EEF1AKMT1: variants seen among roughly 807,000 people sequenced by gnomAD.
EEF1AKMT1 encodes EEF1A lysine methyltransferase 1, also known as N-6 adenine-specific DNA methyltransferase 2 (putative).
In EEF1AKMT1, 18 loss-of-function variants were observed where a neutral mutation model predicts 21.0. That is an observed-to-expected ratio of 0.86 (90% CI 0.59 to 1.27). The LOEUF is 1.27. EEF1AKMT1 is among the 50% of genes most tolerant of loss of function. The pLI, the probability that EEF1AKMT1 is intolerant of heterozygous loss-of-function variation, is 0.00. For missense variants in EEF1AKMT1, 246 were observed against 258.6 expected (o/e 0.95, Z 0.33); for synonymous variants, 109 against 94.8 (o/e 1.15, Z -0.87).
chr13:20,748,725 GGTTT>G (rs2058924211), intron 2 of EEF1AKMT1, among the ~76,000 whole-genome samples: 165 of 68,664 alleles, frequency 2.4e-3, no homozygotes, highest in African/African-American at 8.9e-3. Context: ...GTTTTTTTTT[GGTTT>G]TTTTTTTTTT....
rs901709692 is a variant in EEF1AKMT1, at chr13:20,766,518, T to C, written c.-20+7403A>G. ...AGCTGTGACTCTGTTATTTAAGAGG[T>C]TGCTTAAGAATTATGGTACATGGCT... On this transcript the variant is annotated intron_variant, in intron 1 of 4. Coordinates refer to ENST00000382758, the MANE Select transcript of EEF1AKMT1 (RefSeq NM_001318939.2). Among the ~76,000 whole-genome samples, 4 of 152,046 alleles carry C rather than the reference T, an allele frequency of 2.6e-5. No individual in the cohort carries two copies. The South Asian group carries it at 8.3e-4, about 32-fold the overall frequency.
At chr13:20,748,722 T>TTTTTTGTTGTTGTTG (rs749328042) in intron 2 of EEF1AKMT1, among the ~76,000 whole-genome samples, 3 of 78,648 alleles carry the variant, frequency 3.8e-5, no homozygotes, top group African/African-American at 1.3e-4. Context: ...GTTGTTTTTT[T>TTTTTTGTTGTTGTTG]TTGGTTTTTT....
intron 1 of EEF1AKMT1, among the ~76,000 whole-genome samples, chr13:20,760,297 T>A (rs1177466486): frequency 2.0e-5 from 3 of 151,982 alleles, no homozygotes; most frequent in African/African-American, 7.3e-5. Flanking sequence ...AAGCGTCCTA[T>A]CAAAGATGGG....
chr13:20,768,659 T>C (rs1211030663), intron 1 of EEF1AKMT1, among the ~76,000 whole-genome samples: 1 of 152,122 alleles, frequency 6.6e-6, no homozygotes, highest in African/African-American at 2.4e-5. Flanking sequence ...TCTTCCAATG[T>C]GGCCCAGGGA....
At chr13:20,757,005 A>G (rs1302812353) in intron 2 of EEF1AKMT1, among the ~76,000 whole-genome samples, 2 of 151,976 alleles carry the variant, frequency 1.3e-5, no homozygotes, top group Admixed American at 6.6e-5. Flanking sequence ...TCACCCTCCA[A>G]TGTCCCTCAT....
rs71087097 is a variant in EEF1AKMT1 at position 20,764,917 on chromosome 13, A to ACACACACACACACACACC, written c.-19-7301_-19-7300insGGTGTGTGTGTGTGTGTG. Among the ~76,000 whole-genome samples the ACACACACACACACACACC allele has an allele frequency of 2.1e-5, 3 of 146,290 alleles. No individual in the cohort carries two copies. The East Asian group carries it at 6.0e-4, about 29-fold the overall frequency. On this transcript the variant is annotated intron_variant, in intron 1 of 4. Transcript: ENST00000382758. ...CACACACACACACACACACACACACACCCTAATTTTGAAGTGAGTTTCTTG... is the reference window on the plus strand; with the variant it reads ...CACACACACACACACACACACACACACACACACACACACACACCCCCTAATTTTGAAGTGAGTTTCTTG...
intron 2 of EEF1AKMT1, among the ~76,000 whole-genome samples, chr13:20,752,266 T>G (rs1454861559): frequency 6.6e-6 from 1 of 152,194 alleles, no homozygotes; most frequent in Non-Finnish European, 1.5e-5. Context: ...CCATTCAGTA[T>G]GATGTTAGCT....
intron 1 of EEF1AKMT1, among the ~76,000 whole-genome samples, chr13:20,763,016 ATTC>A (rs1329333511): frequency 4.6e-5 from 7 of 152,256 alleles, no homozygotes; most frequent in African/African-American, 1.4e-4. Flanking sequence ...CACTTAACTG[ATTC>A]TTCTTATGTA....
rs1036244739 is a variant in EEF1AKMT1, at chr13:20,737,596, T to C, written c.227+127A>G. ...TGTTGAAGCTGGTCTTAATCTGTCA[T>C]ATGCTGCAAACCATGATCTACAATA... On this transcript the variant is annotated intron_variant, in intron 3 of 4. Transcript: ENST00000382758. 4 of 774,442 alleles carry C rather than the reference T, an allele frequency of 5.2e-6. No individual in the cohort carries two copies. In the African/African-American group the frequency reaches 5.2e-5, roughly 10 times the overall value. The allele number at this position is 774,442 out of a possible 1,614,324, so 48.0% of individuals were successfully genotyped here.
In EEF1AKMT1 at chr13:20,767,457, G is replaced by C. The variant is rs568862452; in HGVS notation, c.-20+6464C>G. ...TCTGATAATGTCTGTTTAACTGTGG[G>C]TATAGAATTTGAGGTTGACAAGTTT... On this transcript the variant is annotated intron_variant, in intron 1 of 4. Transcript: ENST00000382758. Among the ~76,000 whole-genome samples, 12 of 152,050 alleles carry C rather than the reference G, an allele frequency of 7.9e-5. No individual in the cohort carries two copies. In the South Asian group the frequency reaches 2.5e-3, roughly 32 times the overall value.
intron 2 of EEF1AKMT1, among the ~76,000 whole-genome samples, chr13:20,746,539 G>C (rs2058905816): frequency 6.6e-6 from 1 of 152,184 alleles, no homozygotes; most frequent in Non-Finnish European, 1.5e-5. Flanking sequence ...CTAGCATACA[G>C]AGAATGGAAG....
At chr13:20,750,539 C>A (rs528492068) in intron 2 of EEF1AKMT1, among the ~76,000 whole-genome samples, 1 of 152,298 alleles carries the variant, frequency 6.6e-6, no homozygotes, top group East Asian at 1.9e-4. Context: ...CTTTTTATGG[C>A]TAAACAGTAT....
At chr13:20,772,918 G>C (rs2059069484) in intron 1 of EEF1AKMT1, among the ~76,000 whole-genome samples, 1 of 152,136 alleles carries the variant, frequency 6.6e-6, no homozygotes, top group Non-Finnish European at 1.5e-5. Context: ...GTGTGATTCA[G>C]AGCAAAGAGC....
intron 1 of EEF1AKMT1, among the ~76,000 whole-genome samples, chr13:20,763,808 G>A (rs1239218104): frequency 3.3e-5 from 5 of 152,004 alleles, no homozygotes; most frequent in African/African-American, 9.7e-5. Flanking sequence ...ATACTTACAC[G>A]GCTATTCACA....
At position 20,732,010 on chromosome 13, in the gene EEF1AKMT1, C is replaced by A. The variant is rs1432957896; in HGVS notation, c.339G>T (p.Glu113Asp). ...TATTGTAATCATAGAAAATAAACTC[C>A]TCTCCATACATGGCAAATCTTTTGT... ...EYDKRFAMYG[E>D]EFIFYDYNNP... is the part of the protein sequence containing the mutation. Residue 113 changes from glutamate to aspartate, a missense_variant, in exon 4 of 5, where the codon GAG becomes GAT. Coordinates refer to ENST00000382758, the MANE Select transcript of EEF1AKMT1 (RefSeq NM_001318939.2). 1 of 1,614,180 alleles carries A rather than the reference C, an allele frequency of 6.2e-7. No individual in the cohort carries two copies. Among genetic ancestry groups the A allele is most frequent in the East Asian group, 2.2e-5 (1 of 44,888 alleles).
intron 2 of EEF1AKMT1, among the ~76,000 whole-genome samples, chr13:20,756,874 C>T (rs367890201): frequency 6.6e-6 from 1 of 152,172 alleles, no homozygotes; most frequent in Non-Finnish European, 1.5e-5. Flanking sequence ...GCACACACTC[C>T]CCATTCTGAG....
chr13:20,752,045 A>C (rs540763098), intron 2 of EEF1AKMT1, among the ~76,000 whole-genome samples: 1 of 152,154 alleles, frequency 6.6e-6, no homozygotes, highest in South Asian at 2.1e-4. Flanking sequence ...TTTTTCCTGG[A>C]GTCTTTAGGT....
chr13:20,739,384 C>T (rs142608393), intron 2 of EEF1AKMT1, among the ~76,000 whole-genome samples: 1 of 152,162 alleles, frequency 6.6e-6, no homozygotes, highest in African/African-American at 2.4e-5. Context: ...TGCTTTTATT[C>T]CCTTATCTGA....
chr13:20,739,101 A>G (rs1420921284), intron 2 of EEF1AKMT1, among the ~76,000 whole-genome samples: 4 of 152,096 alleles, frequency 2.6e-5, no homozygotes, highest in Non-Finnish European at 5.9e-5. Flanking sequence ...GAAGCTGCAG[A>G]CCTTCGCCAA....
Sources: gnomAD v4.1 joint callset for allele counts (sites outside exome capture counted in the v4.1 genomes callset) on GRCh38, gnomAD v4.1.1 for gene constraint, MANE v1.5 for transcripts, NCBI Gene and HGNC (gene_info 2026-07-23, HGNC 2026-07-21) for gene names.